The following CEP70 variants were observed in gnomAD, a reference collection of about 807,000 sequenced individuals.
CEP70 encodes the protein centrosomal protein of 70 kDa.
A neutral mutation model predicts 90.9 loss-of-function variants in CEP70; 70 were observed. The ratio of observed to expected loss-of-function variants is 0.77; its 90% CI spans 0.64 to 0.94. The LOEUF is 0.94. Ranked by LOEUF, CEP70 falls within the 40% of genes least tolerant of loss-of-function variation. The pLI is 0.00. For missense variants in CEP70, 648 were observed against 669.0 expected (o/e 0.97, Z 0.35); for synonymous variants, 220 against 228.3 (o/e 0.96, Z 0.33).
At chr3:138,590,452 T>C (rs1935815862) in intron 2 of CEP70, among the ~76,000 whole-genome samples, 1 of 152,202 alleles carries the variant, frequency 6.6e-6, no homozygotes, top group Non-Finnish European at 1.5e-5. Context: ...TCAGGATCTT[T>C]AGCATTCAGA....
intron 12 of CEP70, among the ~76,000 whole-genome samples, chr3:138,506,621 T>C (rs1272753858): frequency 2.6e-5 from 4 of 152,218 alleles, no homozygotes; most frequent in Admixed American, 6.5e-5. Flanking sequence ...CTTCAAGATA[T>C]AACTAATAGG....
At chr3:138,555,997 T>C (rs745431624) in intron 6 of CEP70, among the ~76,000 whole-genome samples, 3 of 152,088 alleles carry the variant, frequency 2.0e-5, no homozygotes, top group African/African-American at 7.2e-5. Flanking sequence ...CAATTCACAA[T>C]TGCAAAAATG....
chr3:138,553,377 G>A (rs2039763076), intron 6 of CEP70, among the ~76,000 whole-genome samples: 1 of 152,010 alleles, frequency 6.6e-6, no homozygotes, highest in Non-Finnish European at 1.5e-5. Context: ...CTACTTGGGA[G>A]GCTGAGGCAG....
rs1262573704 is a variant in CEP70 at position 138,591,191 on chromosome 3, T to C, written c.-6+663A>G. Among the ~76,000 whole-genome samples, 5 of 152,286 alleles carry C rather than the reference T, an allele frequency of 3.3e-5. No individual in the cohort carries two copies. In the East Asian group the frequency reaches 9.6e-4, roughly 29 times the overall value. On this transcript the variant is annotated intron_variant, in intron 2 of 17. Transcript: ENST00000264982. ...CACCACAAGTAGAAAATTCCACACC[T>C]GACCTTATGTGACAGGTCACAGTCA...
intron 2 of CEP70, among the ~76,000 whole-genome samples, chr3:138,588,629 C>T (rs950088130): frequency 2.6e-5 from 4 of 152,162 alleles, no homozygotes; most frequent in Non-Finnish European, 5.9e-5. Flanking sequence ...CATATACTGC[C>T]GACGGGAATT....
intron 17 of CEP70, chr3:138,497,190 A>G (rs1246674640): frequency 1.7e-6 from 2 of 1,192,598 alleles, no homozygotes; most frequent in African/African-American, 3.3e-5. Context: ...ACTGGTCACA[A>G]AACTTCCTTT....
At chr3:138,509,170 C>CA (rs1307553146) in intron 11 of CEP70, among the ~76,000 whole-genome samples, 1 of 152,174 alleles carries the variant, frequency 6.6e-6, no homozygotes, top group African/African-American at 2.4e-5. Flanking sequence ...CCAGCACCCA[C>CA]AAAAGACAGC....
intron 17 of CEP70, chr3:138,497,564 G>T: frequency 1.0e-6 from 1 of 957,562 alleles, no homozygotes; most frequent in Non-Finnish European, 1.2e-6. Flanking sequence ...CTCAGTATAA[G>T]TGTAATATTT....
chr3:138,516,308 T>C (rs1190264960), intron 11 of CEP70, among the ~76,000 whole-genome samples: 2 of 152,164 alleles, frequency 1.3e-5, no homozygotes, highest in Non-Finnish European at 2.9e-5. Context: ...TAATTATTCA[T>C]TGAATATGCA....
At chr3:138,527,976 A>G (rs2037444368) in intron 10 of CEP70, among the ~76,000 whole-genome samples, 1 of 151,720 alleles carries the variant, frequency 6.6e-6, no homozygotes, top group African/African-American at 2.4e-5. Context: ...AGTGTACTGT[A>G]CATCAATTGT....
intron 13 of CEP70, among the ~76,000 whole-genome samples, chr3:138,504,219 C>T (rs147746959): frequency 7.2e-4 from 109 of 152,212 alleles, no homozygotes; most frequent in Non-Finnish European, 1.1e-3. Context: ...GGAGGAACTC[C>T]GGTCTATAAA....
At chr3:138,496,961 C>T in intron 17 of CEP70, 2 of 989,342 alleles carry the variant, frequency 2.0e-6, no homozygotes, top group Non-Finnish European at 2.4e-6. Context: ...ATGATGAGAA[C>T]ATCACTGCTT....
rs140304869 is a variant in CEP70, at chr3:138,527,382, C to T, written c.869+1817G>A. On this transcript the variant is annotated intron_variant, in intron 10 of 17. Coordinates refer to ENST00000264982, the MANE Select transcript of CEP70 (RefSeq NM_024491.4). ...TTCATGAATTTGCGTGTCATCCTTG[C>T]GCAGGCCTGGCTAATTTTTAAAATT... Among the ~76,000 whole-genome samples, 856 of 151,044 alleles carry T rather than the reference C, an allele frequency of 5.7e-3. 4 individuals are homozygous for T. Among genetic ancestry groups the T allele is most frequent in the African/African-American group, 0.017 (695 of 41,198 alleles).
intron 6 of CEP70, among the ~76,000 whole-genome samples, chr3:138,538,843 G>C (rs1030575890): frequency 3.3e-5 from 5 of 152,098 alleles, no homozygotes; most frequent in Non-Finnish European, 5.9e-5. Context: ...TCTTGAGCCA[G>C]TTTTGGCAAT....
chr3:138,545,077 T>TA (rs1232362885), intron 6 of CEP70, among the ~76,000 whole-genome samples: 3 of 152,166 alleles, frequency 2.0e-5, no homozygotes, highest in Non-Finnish European at 4.4e-5. Context: ...GTCTCCAACA[T>TA]AAAAAAATAT....
rs768061817 is a variant in CEP70, at chr3:138,500,784, A to C, written c.1319T>G (p.Leu440Trp). Residue 440 changes from leucine to tryptophan, a missense_variant, in exon 14 of 18, where the codon TTG (leucine) becomes TGG (tryptophan). Leu to Trp is a moderately conservative substitution (Grantham distance 61). Coordinates refer to ENST00000264982, the MANE Select transcript of CEP70 (RefSeq NM_024491.4). Reference protein sequence around the residue: ...DENEGIKVEDLLFIVDTMLEE... With the variant: ...DENEGIKVEDWLFIVDTMLEE... ...CAGCATAGTATCTACTATAAACAAC[A>C]AATCTTCAACTTTGATACCTTCATT... is the stretch of plus-strand genomic sequence containing the variant. The C allele has an allele frequency of 1.2e-6, 2 of 1,606,916 alleles. No homozygotes were observed. The highest frequency in any genetic ancestry group is 2.2e-5 in the East Asian group (1 of 44,588).
At chr3:138,559,471 G>A (rs892290601) in intron 6 of CEP70, among the ~76,000 whole-genome samples, 2 of 152,194 alleles carry the variant, frequency 1.3e-5, no homozygotes, top group African/African-American at 2.4e-5. Context: ...GGTGGCTCAC[G>A]CCTGTAATCC....
chr3:138,497,331 T>TAA lies in CEP70; in HGVS notation c.1732+698_1732+699dup, dbSNP rs539518473. ...CTTCTAAAAGCAAAGAGCCATTCTT[T>TAA]AAAAAAAAAAAAAAATCTTTCAAAT... On this transcript the variant is annotated intron_variant, in intron 17 of 17. Coordinates refer to ENST00000264982, the MANE Select transcript of CEP70 (RefSeq NM_024491.4). 1.5e-3 allele frequency: 1,572 copies of TAA among 1,076,318 alleles called. 8 individuals carry two copies. In the East Asian group the frequency reaches 0.034, roughly 23 times the overall value. The allele number at this position is 1,076,318 out of a possible 1,614,324, so 66.7% of individuals were successfully genotyped here. A position where few individuals can be genotyped will look rare whatever the true frequency, so the allele number is the denominator to read the frequency against.
At chr3:138,593,221 T>C (rs1450888307) in intron 1 of CEP70, 1 of 152,192 alleles carries the variant, frequency 6.6e-6, no homozygotes, top group Non-Finnish European at 1.5e-5. Context: ...CAGAGTTTAA[T>C]ATATTATACA....
Sources: allele counts gnomAD v4.1 joint callset (sites outside exome capture counted in the v4.1 genomes callset), GRCh38; gene constraint gnomAD v4.1.1; transcripts MANE v1.5; gene names NCBI Gene and HGNC (gene_info 2026-07-23, HGNC 2026-07-21).